The following TTC7B variants were observed in gnomAD, a reference collection of about 807,000 sequenced individuals.
TTC7B encodes tetratricopeptide repeat protein 7B.
In TTC7B, 28 loss-of-function variants were observed where a neutral mutation model predicts 106.8. The ratio of observed to expected loss-of-function variants is 0.26; its 90% confidence interval spans 0.19 to 0.36. The LOEUF (loss-of-function observed/expected upper bound fraction) is 0.36, where lower values mean the gene tolerates loss of function less well. TTC7B is among the 10% of genes least tolerant of loss of function. TTC7B has a pLI of 1.00. For synonymous variants in TTC7B, 405 were observed against 430.6 expected, an observed-to-expected ratio of 0.94 and a Z score of 0.74; for missense variants, 862 against 1,076.4, an observed-to-expected ratio of 0.80 and a Z score of 2.79.
intron 15 of TTC7B, among the ~76,000 whole-genome samples, chr14:90,629,107 C>A (rs1332515139): frequency 6.6e-6 from 1 of 152,226 alleles, no homozygotes; most frequent in Non-Finnish European, 1.5e-5. Flanking sequence ...GGGAGGTGTT[C>A]AAAGGACAGT....
At chr14:90,690,375 C>G (rs1324826191) in intron 6 of TTC7B, among the ~76,000 whole-genome samples, 3 of 152,204 alleles carry the variant, frequency 2.0e-5, no homozygotes, top group African/African-American at 7.2e-5. Context: ...GTATCCCCTT[C>G]TTCACAGTGA....
intron 3 of TTC7B, among the ~76,000 whole-genome samples, chr14:90,761,183 C>T (rs951902156): frequency 5.1e-5 from 7 of 137,370 alleles, no homozygotes; most frequent in African/African-American, 2.2e-4. Flanking sequence ...AATGAAGGAC[C>T]ACCAGGTTAG....
chr14:90,583,043 G>A (rs1891566565), intron 18 of TTC7B, among the ~76,000 whole-genome samples: 1 of 152,204 alleles, frequency 6.6e-6, no homozygotes, highest in Non-Finnish European at 1.5e-5. Context: ...TGCACTACTT[G>A]AAAAGCCTTC....
chr14:90,704,572 G>A (rs1007016592), intron 5 of TTC7B, among the ~76,000 whole-genome samples: 2 of 152,188 alleles, frequency 1.3e-5, no homozygotes, highest in African/African-American at 4.8e-5. Flanking sequence ...GGCATCCCAG[G>A]GACAGGAGAG....
At chr14:90,556,229 ATATGTGGGGATGCCAGGCATCCCCCC>A in intron 19 of TTC7B, among the ~76,000 whole-genome samples, 1 of 152,238 alleles carries the variant, frequency 6.6e-6, no homozygotes, top group East Asian at 1.9e-4. Context: ...GTCCCCAGCA[ATATGTGGGGATGCCAGGCATCCCCCC>A]TACCCTGAAG....
intron 15 of TTC7B, among the ~76,000 whole-genome samples, chr14:90,638,489 A>G (rs765778749): frequency 1.3e-5 from 2 of 152,238 alleles, no homozygotes; most frequent in Non-Finnish European, 2.9e-5. Flanking sequence ...TAGTGCATAT[A>G]AAAGCATGAA....
rs969598272 is a variant in TTC7B, at chr14:90,525,788, A to G, written c.*15580T>C. The G allele has an allele frequency of 6.8e-6, 1 of 147,542 alleles. No individual in the cohort carries two copies. The highest frequency in any genetic ancestry group is 1.5e-5 in the Non-Finnish European group (1 of 66,986). The allele number at this position is 147,542 out of a possible 1,614,324, so 9.1% of individuals were successfully genotyped here. A position where few individuals can be genotyped will look rare whatever the true frequency, so the allele number is the denominator to read the frequency against. On this transcript the variant is annotated 3_prime_UTR_variant, in exon 20 of 20. Transcript: ENST00000328459. ...GACAAAGGCCCTCTCTAACCCGAGTACACCGGCCTCTGGCTTTGTGACAAG... is the reference window on the plus strand; with the variant it reads ...GACAAAGGCCCTCTCTAACCCGAGTGCACCGGCCTCTGGCTTTGTGACAAG...
At chr14:90,558,996 C>G (rs1288536119) in intron 19 of TTC7B, among the ~76,000 whole-genome samples, 2 of 152,228 alleles carry the variant, frequency 1.3e-5, no homozygotes, top group Non-Finnish European at 2.9e-5. Context: ...AGAGACCCAG[C>G]CTGGCACCTT....
intron 1 of TTC7B, among the ~76,000 whole-genome samples, chr14:90,795,574 G>A (rs1033435977): frequency 2.6e-5 from 4 of 152,172 alleles, no homozygotes; most frequent in South Asian, 2.1e-4. Flanking sequence ...TCCCTTGCTC[G>A]CTAGCCGTGT....
At chr14:90,724,613 T>A (rs1435327629) in intron 5 of TTC7B, among the ~76,000 whole-genome samples, 1 of 152,208 alleles carries the variant, frequency 6.6e-6, no homozygotes, top group Non-Finnish European at 1.5e-5. Flanking sequence ...GTGATGGCCC[T>A]GCTCCCCCTT....
At chr14:90,804,298 C>T (rs1300046084) in intron 1 of TTC7B, among the ~76,000 whole-genome samples, 1 of 151,530 alleles carries the variant, frequency 6.6e-6, no homozygotes, top group African/African-American at 2.4e-5. Context: ...CACCACTGCA[C>T]TCCAGCCTGG....
intron 3 of TTC7B, among the ~76,000 whole-genome samples, chr14:90,774,221 T>C (rs901799645): frequency 6.6e-6 from 1 of 151,994 alleles, no homozygotes; most frequent in African/African-American, 2.4e-5. Context: ...CTGTAGCCGC[T>C]CCGCTCACCT....
At chr14:90,588,861 A>G (rs1458715382) in intron 18 of TTC7B, among the ~76,000 whole-genome samples, 2 of 151,348 alleles carry the variant, frequency 1.3e-5, no homozygotes, top group Non-Finnish European at 2.9e-5. Flanking sequence ...TTTATTTTAA[A>G]AAACGGCAAA....
At chr14:90,605,665 T>C in intron 17 of TTC7B, 1 of 1,288,934 alleles carries the variant, frequency 7.8e-7, no homozygotes, top group Non-Finnish European at 1.0e-6. Context: ...CACAAAGGTA[T>C]CGGGTTTGGG....
chr14:90,623,137 C>G (rs910191784), intron 15 of TTC7B, among the ~76,000 whole-genome samples: 5 of 152,160 alleles, frequency 3.3e-5, no homozygotes, highest in African/African-American at 1.2e-4. Flanking sequence ...GGAGTTAAAC[C>G]TTCCAAATGG....
chr14:90,749,606 T>C (rs1890077374), intron 3 of TTC7B, among the ~76,000 whole-genome samples: 2 of 152,050 alleles, frequency 1.3e-5, no homozygotes, highest in Admixed American at 1.3e-4. Context: ...GGTTTCTCCA[T>C]GTTGGTCAGG....
At chr14:90,618,617 C>G (rs1170635087) in intron 15 of TTC7B, among the ~76,000 whole-genome samples, 1 of 152,234 alleles carries the variant, frequency 6.6e-6, no homozygotes, top group East Asian at 1.9e-4. Flanking sequence ...GGTCTCTCTT[C>G]TGTATTTTTG....
Position 90,589,068 on chromosome 14 carries a change from G to A in TTC7B, c.2107+4418C>T, listed in dbSNP as rs144245899. On this transcript the variant is annotated intron_variant, in intron 18 of 19. Transcript: ENST00000328459. The stretch of plus-strand genomic sequence containing the variant: ...AATACCATTTTCTACTTGTCAGACT[G>A]GAAAGATCAAGGATTCTGAGAATTC... 1.3e-3 allele frequency among the ~76,000 whole-genome samples: 195 copies of A among 152,288 alleles called. 2 individuals carry two copies. Among genetic ancestry groups the A allele is most frequent in the African/African-American group, 4.2e-3 (173 of 41,552 alleles).
chr14:90,591,515 T>A (rs1181432469), intron 18 of TTC7B, among the ~76,000 whole-genome samples: 1 of 152,210 alleles, frequency 6.6e-6, no homozygotes, highest in Non-Finnish European at 1.5e-5. Flanking sequence ...GACAGAGCTC[T>A]CCTGGAATAT....
Sources: gnomAD v4.1 joint callset for allele counts (sites outside exome capture counted in the v4.1 genomes callset) on GRCh38, gnomAD v4.1.1 for gene constraint, MANE v1.5 for transcripts, NCBI Gene and HGNC (gene_info 2026-07-23, HGNC 2026-07-21) for gene names.